SNX31: variants seen among roughly 807,000 people sequenced by gnomAD.
The protein encoded by SNX31 is sorting nexin 31.
In SNX31, 58 loss-of-function variants were observed where a neutral mutation model predicts 65.4. The observed-to-expected ratio is 0.89, with a 90% CI of 0.72 to 1.10. The LOEUF (loss-of-function observed/expected upper bound fraction) is 1.10. Among genes scored for constraint, SNX31 ranks in the 50% least tolerant of loss-of-function variants. The pLI is 0.00. For synonymous variants in SNX31, 181 were observed against 190.1 expected, an observed-to-expected ratio of 0.95 and a Z score of 0.39; for missense variants, 523 against 529.7, an observed-to-expected ratio of 0.99 and a Z score of 0.12.
chr8:100,586,224 A>G (rs2469655), intron 11 of SNX31, among the ~76,000 whole-genome samples: 66,690 of 152,130 alleles, frequency 0.44, 16,227 homozygotes, highest in African/African-American at 0.65. Context: ...CCTGGCCAAC[A>G]ATTCAGATTT....
intron 5 of SNX31, among the ~76,000 whole-genome samples, chr8:100,616,713 T>C (rs950252976): frequency 5.3e-5 from 8 of 152,026 alleles, no homozygotes; most frequent in Non-Finnish European, 1.0e-4. Context: ...GGAGAGACGA[T>C]GAATATAAGA....
intron 2 of SNX31, among the ~76,000 whole-genome samples, chr8:100,638,624 T>C (rs1455370691): frequency 1.3e-5 from 2 of 152,226 alleles, no homozygotes; most frequent in African/African-American, 2.4e-5. Context: ...AACTTGTATC[T>C]TGAAGAGAAT....
intron 1 of SNX31, chr8:100,657,917 AAC>A: frequency 2.8e-6 from 1 of 361,162 alleles, no homozygotes; most frequent in Non-Finnish European, 5.4e-6. Flanking sequence ...CAACAACAAC[AAC>A]AAACAACTAA....
At chr8:100,652,095 C>T (rs1267237921), upstream of SNX31, among the ~76,000 whole-genome samples, 1 of 152,132 alleles carries the variant, frequency 6.6e-6, no homozygotes, top group African/African-American at 2.4e-5. Context: ...TCTCCTGCCT[C>T]GGCCTCCCGA....
At chr8:100,602,879 AT>A (rs2130951209) in intron 8 of SNX31, among the ~76,000 whole-genome samples, 2 of 152,326 alleles carry the variant, frequency 1.3e-5, no homozygotes, top group South Asian at 4.1e-4. Flanking sequence ...TTTTCAGACC[AT>A]GCTTGACTGC....
intron 12 of SNX31, among the ~76,000 whole-genome samples, chr8:100,583,257 C>G (rs1326732514): frequency 1.3e-5 from 2 of 151,730 alleles, no homozygotes; most frequent in African/African-American, 4.8e-5. Context: ...CAGGTACCCA[C>G]CACCACACCC....
chr8:100,596,039 G>C (rs1815058229), intron 10 of SNX31, among the ~76,000 whole-genome samples: 2 of 152,130 alleles, frequency 1.3e-5, no homozygotes, highest in Admixed American at 1.3e-4. Context: ...GGATTCCATG[G>C]ATTTAACAAG....
intron 11 of SNX31, among the ~76,000 whole-genome samples, chr8:100,585,101 A>G (rs1271616315): frequency 2.0e-5 from 3 of 152,126 alleles, no homozygotes; most frequent in Non-Finnish European, 4.4e-5. Flanking sequence ...TCGTGGCTAA[A>G]TCATCATTAG....
intron 1 of SNX31, among the ~76,000 whole-genome samples, chr8:100,662,085 A>C (rs1220264496): frequency 6.6e-6 from 1 of 152,146 alleles, no homozygotes; most frequent in Non-Finnish European, 1.5e-5. Flanking sequence ...TTGGCCTCCC[A>C]GAGTGCTAGG....
chr8:100,658,646 C>T (rs1039331412), intron 1 of SNX31, among the ~76,000 whole-genome samples: 3 of 152,130 alleles, frequency 2.0e-5, no homozygotes, highest in Non-Finnish European at 4.4e-5. Flanking sequence ...AGCATCTTGC[C>T]CAAAGTTGCA....
rs553105216 is a variant in SNX31 at position 100,622,944 on chromosome 8, A to T, written c.322-5214T>A. On this transcript the variant is annotated intron_variant, in intron 4 of 13. Coordinates refer to ENST00000311812, the MANE Select transcript of SNX31 (RefSeq NM_152628.4). The surrounding 1 kb of genome is among the most constrained non-coding windows in gnomAD (Gnocchi z 5.0). ...ACCCAACCTGCTGCCATTGGCCAGG[A>T]TGGACAAATCAGTTGGCAGCTGCAC... 6.6e-6 allele frequency among the ~76,000 whole-genome samples: 1 copy of T among 152,348 alleles called. No homozygotes were observed. Among genetic ancestry groups the T allele is most frequent in the Admixed American group, 6.5e-5 (1 of 15,306 alleles).
chr8:100,620,374 C>T (rs1183382548), intron 4 of SNX31, among the ~76,000 whole-genome samples: 5 of 152,176 alleles, frequency 3.3e-5, no homozygotes, highest in Non-Finnish European at 7.3e-5. Flanking sequence ...TGCTCGGTGA[C>T]CCCAAAAGGC....
rs539160035 is a variant in SNX31, at chr8:100,629,753, A to G, written c.321+574T>C. Among the ~76,000 whole-genome samples, 4 of 152,372 alleles carry G rather than the reference A, an allele frequency of 2.6e-5. No individual in the cohort carries two copies. In the South Asian group the frequency reaches 8.3e-4, roughly 32 times the overall value. ...AGTGTTGTGCTAAACAAACGTACTTAGCAGTTTCAGCCTAGGGAGCAAGTG... is the reference window on the plus strand; with the variant it reads ...AGTGTTGTGCTAAACAAACGTACTTGGCAGTTTCAGCCTAGGGAGCAAGTG... On this transcript the variant is annotated intron_variant, in intron 4 of 13. Coordinates refer to ENST00000311812, the MANE Select transcript of SNX31 (RefSeq NM_152628.4). The surrounding 1 kb of genome is among the most constrained non-coding windows in gnomAD (Gnocchi z 5.1).
chr8:100,581,317 ATC>A lies in SNX31; in HGVS notation c.1170+2792_1170+2793del, dbSNP rs1200514905. ...CTGTCTTTAAAAAAATTTTTTATAT[ATC>A]TATATCTATCTATCTATCTATATAT... On this transcript the variant is annotated intron_variant, in intron 12 of 13. Coordinates refer to ENST00000311812, the MANE Select transcript of SNX31 (RefSeq NM_152628.4). Among the ~76,000 whole-genome samples the A allele has an allele frequency of 4.3e-3, 535 of 124,326 alleles. 17 individuals are homozygous for A. The highest frequency in any genetic ancestry group is 0.022 in the African/African-American group (516 of 23,358). The allele number at this position is 124,326 out of a possible 152,430, so 81.6% of individuals were successfully genotyped here. A position where few individuals can be genotyped will look rare whatever the true frequency, so the allele number is the denominator to read the frequency against.
intron 5 of SNX31, among the ~76,000 whole-genome samples, chr8:100,616,713 T>G (rs950252976): frequency 4.6e-5 from 7 of 152,026 alleles, no homozygotes; most frequent in Admixed American, 4.6e-4. Context: ...GGAGAGACGA[T>G]GAATATAAGA....
At chr8:100,607,185 C>A (rs996250695) in intron 8 of SNX31, among the ~76,000 whole-genome samples, 1 of 152,176 alleles carries the variant, frequency 6.6e-6, no homozygotes, top group Non-Finnish European at 1.5e-5. Context: ...CACCACCCTG[C>A]CTGCTGCCTG....
At chr8:100,652,055 T>C (rs1006319796), upstream of SNX31, among the ~76,000 whole-genome samples, 12 of 152,126 alleles carry the variant, frequency 7.9e-5, no homozygotes, top group Non-Finnish European at 1.5e-4. Flanking sequence ...CTCGGCTCAC[T>C]GCAAGCTCCA....
In SNX31 at chr8:100,661,302, G is replaced by A. The variant is rs376187720; in HGVS notation, c.-58+1840C>T. On this transcript the variant is annotated intron_variant, in intron 1 of 5. Coordinates refer to the SNX31 transcript ENST00000520352. ...ATTACAGGCGTGAGCCACTGCGCCC[G>A]GCAAAAGCAGGTAGATATTATAAGT... 1.1e-4 allele frequency among the ~76,000 whole-genome samples: 16 copies of A among 151,672 alleles called. No homozygotes were observed. In the South Asian group the frequency reaches 2.1e-3, roughly 20 times the overall value.
chr8:100,615,832 C>G (rs563661041), intron 5 of SNX31, among the ~76,000 whole-genome samples: 3 of 152,140 alleles, frequency 2.0e-5, no homozygotes, highest in Admixed American at 6.6e-5. Flanking sequence ...TGCAGTGGCG[C>G]GATCTCGGCT....
Sources: allele counts gnomAD v4.1 joint callset (sites outside exome capture counted in the v4.1 genomes callset), GRCh38; gene constraint gnomAD v4.1.1; non-coding constraint Gnocchi (gnomAD v3.1); transcripts MANE v1.5; gene names NCBI Gene and HGNC (gene_info 2026-07-23, HGNC 2026-07-21).